Variants in SLC8A3 observed in about 807,000 individuals in gnomAD.
The protein encoded by SLC8A3 is solute carrier family 8 member A3, also known as sodium/calcium exchanger 3.
In SLC8A3, 37 loss-of-function variants were observed where a neutral mutation model predicts 65.4. The observed-to-expected ratio is 0.57, with a 90% CI of 0.44 to 0.74. The LOEUF (loss-of-function observed/expected upper bound fraction) is 0.74, where lower values mean the gene tolerates loss of function less well. Among genes scored for constraint, SLC8A3 ranks in the 30% least tolerant of loss-of-function variants. The pLI is 0.00. For synonymous variants in SLC8A3, 461 were observed against 444.5 expected (o/e 1.04, Z -0.47); for missense variants, 1,112 against 1,172.1 (o/e 0.95, Z 0.75).
At chr14:70,111,807 G>A (rs1370945536) in intron 2 of SLC8A3, among the ~76,000 whole-genome samples, 1 of 152,204 alleles carries the variant, frequency 6.6e-6, no homozygotes. Flanking sequence ...TGGAGATGAT[G>A]GCAATGATAA....
chr14:70,169,795 T>C (rs766486097), intron 1 of SLC8A3, among the ~76,000 whole-genome samples: 5 of 151,656 alleles, frequency 3.3e-5, no homozygotes, highest in African/African-American at 1.2e-4. Flanking sequence ...AGACTCAAAG[T>C]CTTCATCCCC....
At chr14:70,137,412 G>A (rs1242490117) in intron 2 of SLC8A3, among the ~76,000 whole-genome samples, 2 of 152,046 alleles carry the variant, frequency 1.3e-5, no homozygotes, top group East Asian at 3.9e-4. Context: ...CAAAGTGCTG[G>A]GATTACAGGT....
At chr14:70,130,929 A>G (rs1481716619) in intron 2 of SLC8A3, among the ~76,000 whole-genome samples, 1 of 152,254 alleles carries the variant, frequency 6.6e-6, no homozygotes, top group Admixed American at 6.5e-5. Context: ...ATATGGCTAG[A>G]GATGCAGATT....
At position 70,188,527 on chromosome 14, in the gene SLC8A3, A is replaced by T. The variant is rs1401369554; in HGVS notation, c.-211T>A. On this transcript the variant is annotated 5_prime_UTR_variant, in exon 1 of 7. Coordinates refer to ENST00000356921, the MANE Select transcript of SLC8A3 (RefSeq NM_182932.3). ...GCCGCAGCCGCGTCCGGGGCATGTC[A>T]GTCCGCCGCCGCCGCCCTCCCGCCG... is the stretch of plus-strand genomic sequence containing the variant. The T allele has an allele frequency of 1.3e-5, 2 of 151,928 alleles. No homozygotes were observed. Among genetic ancestry groups the T allele is most frequent in the African/African-American group, 2.4e-5 (1 of 41,390 alleles). 9.4% of individuals were successfully genotyped at this position (151,928 alleles called of 1,614,324 possible).
At chr14:70,081,158 A>C (rs980393854) in intron 2 of SLC8A3, among the ~76,000 whole-genome samples, 1 of 152,224 alleles carries the variant, frequency 6.6e-6, no homozygotes, top group Admixed American at 6.5e-5. Context: ...TCCCTTCGAC[A>C]AAACCTCCTT....
Position 70,168,415 on chromosome 14 carries a change from C to A in SLC8A3, c.8G>T (p.Trp3Leu). Residue 3 changes from tryptophan (W) to leucine (L), a missense_variant, in exon 2 of 7, where the codon TGG becomes TTG. By Grantham distance (61) the Trp-to-Leu change is moderately conservative. Transcript: ENST00000356921. ...AGAGGTGAGAGGCTGCAACCTTAAC[C>A]ACGCCATACACGAGACTTAGCCACT... The part of the protein sequence containing the change: MA[W>L]LRLQPLTSAF... 6.2e-7 allele frequency: 1 copy of A among 1,612,072 alleles called. No homozygotes were observed. The highest frequency in any genetic ancestry group is 1.1e-5 in the South Asian group (1 of 90,594).
intron 1 of SLC8A3, among the ~76,000 whole-genome samples, chr14:70,183,880 C>T (rs1882961528): frequency 6.6e-6 from 1 of 152,202 alleles, no homozygotes. Context: ...TGCAAGTTAA[C>T]TCACTGCAAC....
intron 2 of SLC8A3, among the ~76,000 whole-genome samples, chr14:70,103,538 C>T (rs369171130): frequency 6.6e-6 from 1 of 152,018 alleles, no homozygotes; most frequent in African/African-American, 2.4e-5. Context: ...GGGACATAGA[C>T]TGCTGCAAGC....
intron 6 of SLC8A3, chr14:70,047,858 T>C (rs780634388): frequency 6.6e-6 from 1 of 152,378 alleles, no homozygotes; most frequent in East Asian, 1.9e-4. Flanking sequence ...CCTGTCTACC[T>C]GCTAACTCCT....
intron 2 of SLC8A3, among the ~76,000 whole-genome samples, chr14:70,094,880 G>A (rs1405739587): frequency 2.0e-5 from 3 of 152,208 alleles, no homozygotes; most frequent in South Asian, 2.1e-4. Flanking sequence ...TGTGAGTTGA[G>A]TATTATCGTT....
chr14:70,063,449 G>A (rs1436499991), intron 2 of SLC8A3, among the ~76,000 whole-genome samples: 2 of 152,230 alleles, frequency 1.3e-5, no homozygotes, highest in East Asian at 3.8e-4. Context: ...GCTGGGCTAT[G>A]TGGTCCCTTT....
chr14:70,137,802 T>TTTC, intron 2 of SLC8A3, among the ~76,000 whole-genome samples: 1 of 151,622 alleles, frequency 6.6e-6, no homozygotes, highest in Non-Finnish European at 1.5e-5. Context: ...TTTTTTTTTT[T>TTTC]TCTAATTTGG....
chr14:70,137,436 C>T (rs1184491360), intron 2 of SLC8A3, among the ~76,000 whole-genome samples: 1 of 152,252 alleles, frequency 6.6e-6, no homozygotes, highest in Non-Finnish European at 1.5e-5. Flanking sequence ...AGCCACCGTG[C>T]CAAGCCTATC....
At chr14:70,185,344 TG>T (rs1883109757) in intron 1 of SLC8A3, among the ~76,000 whole-genome samples, 1 of 152,244 alleles carries the variant, frequency 6.6e-6, no homozygotes, top group African/African-American at 2.4e-5. Flanking sequence ...ATCCTGATCA[TG>T]GGCAATGACT....
At chr14:70,061,548 G>A (rs1888805512) in intron 2 of SLC8A3, among the ~76,000 whole-genome samples, 1 of 147,716 alleles carries the variant, frequency 6.8e-6, no homozygotes, top group African/African-American at 2.5e-5. Context: ...GAGAGAGAGA[G>A]AGAGTGAGAG....
chr14:70,132,778 C>T (rs1894928974), intron 2 of SLC8A3, among the ~76,000 whole-genome samples: 1 of 152,146 alleles, frequency 6.6e-6, no homozygotes, highest in Non-Finnish European at 1.5e-5. Flanking sequence ...GTGTCCACCC[C>T]AAGGCAAGTG....
chr14:70,180,516 T>C (rs1425664366), intron 1 of SLC8A3, among the ~76,000 whole-genome samples: 1 of 152,208 alleles, frequency 6.6e-6, no homozygotes, highest in East Asian at 1.9e-4. Flanking sequence ...CCCCTTGAGG[T>C]TGATTCCTCT....
At chr14:70,114,888 G>A (rs76967515) in intron 2 of SLC8A3, among the ~76,000 whole-genome samples, 1,546 of 152,264 alleles carry the variant, frequency 0.01, 25 homozygotes, top group African/African-American at 0.035. Context: ...AGTCGGAGCG[G>A]TGGTGTTTCC....
chr14:70,159,931 TTTTCTCATACTATCAGCCC>T (rs1442898750), intron 2 of SLC8A3, among the ~76,000 whole-genome samples: 21 of 152,004 alleles, frequency 1.4e-4, no homozygotes, highest in Non-Finnish European at 2.8e-4. Context: ...CACCTCTGAG[TTTTCTCATACTATCAGCCC>T]TTCACATCCA....
Sources: gnomAD v4.1 joint callset for allele counts (sites outside exome capture counted in the v4.1 genomes callset) on GRCh38, gnomAD v4.1.1 for gene constraint, MANE v1.5 for transcripts, NCBI Gene and HGNC (gene_info 2026-07-23, HGNC 2026-07-21) for gene names.